ARHGAP6: variants seen among roughly 807,000 people sequenced by gnomAD.
ARHGAP6 encodes the protein Rho GTPase activating protein 6.
A neutral mutation model predicts 55.7 loss-of-function variants in ARHGAP6; 16 were observed. The observed-to-expected ratio is 0.29, with a 90% CI of 0.19 to 0.44. ARHGAP6 has a LOEUF of 0.44. ARHGAP6 is among the 20% of genes least tolerant of loss of function. The probability of loss-of-function intolerance (pLI) is 1.00; values close to 1 mark genes in which losing one functional copy is unlikely to be tolerated. For synonymous variants in ARHGAP6, 382 were observed against 360.9 expected, an observed-to-expected ratio of 1.06 and a Z score of -0.66; for missense variants, 698 against 808.9, an observed-to-expected ratio of 0.86 and a Z score of 1.66.
chrX:11,330,942 T>C (rs915221104), intron 1 of ARHGAP6, among the ~76,000 whole-genome samples: 4 of 111,399 alleles, frequency 3.6e-5, no homozygotes, highest in African/African-American at 1.3e-4. Context: ...CAGAAAACAG[T>C]ATCTCAAAAT....
intron 1 of ARHGAP6, among the ~76,000 whole-genome samples, chrX:11,418,268 G>A (rs1320592684): frequency 8.9e-6 from 1 of 112,228 alleles, no homozygotes; most frequent in Non-Finnish European, 1.9e-5. Flanking sequence ...AGTCCAGGTT[G>A]AAATGAGAGT....
chrX:11,611,237 G>A, intron 1 of ARHGAP6, among the ~76,000 whole-genome samples: 1 of 111,878 alleles, frequency 8.9e-6, no homozygotes, highest in Middle Eastern at 4.6e-3. Context: ...CTACAGCTAG[G>A]GCTCTAAAAC....
rs141187745 is a variant in ARHGAP6, at chrX:11,242,208, A to C, written c.748+12340T>G. On this transcript the variant is annotated intron_variant, in intron 2 of 12. Coordinates refer to ENST00000337414, the MANE Select transcript of ARHGAP6 (RefSeq NM_013427.3). The stretch of plus-strand genomic sequence containing the variant: ...AGTGGTTTTCTATTACAGAAAAATC[A>C]TTAAGATATTTGATTTGTTGAACAC... Among the ~76,000 whole-genome samples, 4 of 112,469 alleles carry C rather than the reference A, an allele frequency of 3.6e-5. No individual in the cohort carries two copies. In the East Asian group the frequency reaches 1.1e-3, roughly 31 times the overall value.
chrX:11,159,284 C>T (rs934985474), intron 9 of ARHGAP6, among the ~76,000 whole-genome samples: 1 of 111,067 alleles, frequency 9.0e-6, no homozygotes, highest in Admixed American at 9.6e-5. Flanking sequence ...GAACAGATGA[C>T]TAACATGAAG....
At chrX:11,385,345 T>C (rs1328374296) in intron 1 of ARHGAP6, among the ~76,000 whole-genome samples, 1 of 112,008 alleles carries the variant, frequency 8.9e-6, no homozygotes, top group African/African-American at 3.2e-5. Flanking sequence ...GTGCTGGTAC[T>C]AATAATGATG....
At chrX:11,381,425 G>A (rs2049261697) in intron 1 of ARHGAP6, among the ~76,000 whole-genome samples, 1 of 112,118 alleles carries the variant, frequency 8.9e-6, no homozygotes, top group South Asian at 3.7e-4. Context: ...TGTTTTTCAA[G>A]TGGTTTCTGA....
At chrX:11,612,022 A>T (rs968015824) in intron 1 of ARHGAP6, among the ~76,000 whole-genome samples, 6 of 112,125 alleles carry the variant, frequency 5.4e-5, no homozygotes, top group Non-Finnish European at 9.4e-5. Flanking sequence ...ATAAACAAAG[A>T]TACACACACA....
At chrX:11,543,800 T>C (rs1489306467) in intron 1 of ARHGAP6, among the ~76,000 whole-genome samples, 1 of 112,288 alleles carries the variant, frequency 8.9e-6, no homozygotes, top group Non-Finnish European at 1.9e-5. Flanking sequence ...TGTAAACAAC[T>C]GCAAATGTGT....
chrX:11,506,721 G>A (rs2050737040), intron 1 of ARHGAP6, among the ~76,000 whole-genome samples: 1 of 111,591 alleles, frequency 9.0e-6, no homozygotes, highest in Admixed American at 9.5e-5. Context: ...TGTCTTTATA[G>A]CAGCATGATT....
At chrX:11,197,778 A>C (rs2046560439) in intron 2 of ARHGAP6, among the ~76,000 whole-genome samples, 1 of 112,254 alleles carries the variant, frequency 8.9e-6, no homozygotes, top group Non-Finnish European at 1.9e-5. Context: ...CCAAATAATA[A>C]AGATACCACT....
chrX:11,144,076 C>T lies in ARHGAP6; in HGVS notation c.2080G>A (p.Glu694Lys). 1 of 1,211,116 alleles carries T rather than the reference C, an allele frequency of 8.3e-7. No homozygotes were observed. Among genetic ancestry groups the T allele is most frequent in the East Asian group, 3.0e-5 (1 of 33,821 alleles). Residue 694 changes from glutamate (E) to lysine (K), a missense_variant, in exon 11 of 13, where the codon GAG becomes AAG. Around this residue, in one of 3 missense-constraint regions of ARHGAP6, gnomAD observed 322 missense variants for 451.1 expected, o/e 0.71. Transcript: ENST00000337414. ...MQEDAAPGGS[E>K]KLYRVPGQFM... ...TGCCCTGGCACTCTGTAAAGCTTCT[C>T]CGAGCCCCCCGGGGCCGCGTCCTCT...
intron 12 of ARHGAP6, among the ~76,000 whole-genome samples, chrX:11,141,698 C>G (rs1356085716): frequency 1.8e-5 from 2 of 112,628 alleles, no homozygotes; most frequent in Non-Finnish European, 3.7e-5. Context: ...GGGTCCCATA[C>G]AGCACAGGAG....
At chrX:11,191,308 C>T (rs1003441288) in intron 3 of ARHGAP6, among the ~76,000 whole-genome samples, 6 of 111,598 alleles carry the variant, frequency 5.4e-5, no homozygotes, top group Admixed American at 1.9e-4. Context: ...CTCCAGCCTC[C>T]GCACTGTTGG....
At chrX:11,580,651 TACAAGTATTCGAGAAA>T (rs2147118353) in intron 1 of ARHGAP6, among the ~76,000 whole-genome samples, 1 of 112,642 alleles carries the variant, frequency 8.9e-6, no homozygotes, top group Admixed American at 9.4e-5. Flanking sequence ...TAAATTATAA[TACAAGTATTCGAGAAA>T]AAAAGTTAAA....
chrX:11,311,470 A>T (rs1347860126), intron 1 of ARHGAP6, among the ~76,000 whole-genome samples: 1 of 111,840 alleles, frequency 8.9e-6, no homozygotes, highest in Admixed American at 9.5e-5. Context: ...TGCTAACAGG[A>T]CAGAAGTCTC....
intron 1 of ARHGAP6, among the ~76,000 whole-genome samples, chrX:11,543,413 A>G (rs1442191816): frequency 1.8e-5 from 2 of 112,696 alleles, no homozygotes; most frequent in Middle Eastern, 4.2e-3. Flanking sequence ...TTTAGTTGTC[A>G]CAATTCAGAG....
At chrX:11,359,473 C>G (rs2048979983) in intron 1 of ARHGAP6, among the ~76,000 whole-genome samples, 1 of 111,989 alleles carries the variant, frequency 8.9e-6, no homozygotes, top group Non-Finnish European at 1.9e-5. Context: ...TATGTATTAT[C>G]AATACAACTT....
intron 8 of ARHGAP6, among the ~76,000 whole-genome samples, chrX:11,174,844 C>T (rs928319296): frequency 1.2e-4 from 13 of 104,424 alleles, no homozygotes; most frequent in African/African-American, 3.3e-4. Context: ...CCCACCACCA[C>T]GCCCGGCTAA....
At chrX:11,470,060 G>A (rs189158025) in intron 1 of ARHGAP6, among the ~76,000 whole-genome samples, 3 of 111,892 alleles carry the variant, frequency 2.7e-5, no homozygotes, top group East Asian at 5.6e-4. Context: ...TGTGTATGTT[G>A]TAAGTTGTAG....
Sources: allele counts gnomAD v4.1 joint callset (sites outside exome capture counted in the v4.1 genomes callset), GRCh38; gene constraint gnomAD v4.1.1; regional missense constraint gnomAD v4.1.1; transcripts MANE v1.5; gene names NCBI Gene and HGNC (gene_info 2026-07-23, HGNC 2026-07-21).